PHACTR1: variants seen among roughly 807,000 people sequenced by gnomAD.
PHACTR1 encodes RPEL repeat containing 1.
In PHACTR1, 16 loss-of-function variants were observed where a neutral mutation model predicts 69.2. The observed-to-expected ratio is 0.23, with a 90% CI of 0.16 to 0.35. The LOEUF is 0.35. Among genes scored for constraint, PHACTR1 ranks in the 10% least tolerant of loss-of-function variants. The probability of loss-of-function intolerance (pLI) is 1.00; values close to 1 mark genes in which losing one functional copy is unlikely to be tolerated. For synonymous variants in PHACTR1, 312 were observed against 284.5 expected, an observed-to-expected ratio of 1.10 and a Z score of -0.97; for missense variants, 510 against 734.7, an observed-to-expected ratio of 0.69 and a Z score of 3.54.
chr6:12,799,030 A>C (rs1210823260), intron 4 of PHACTR1, among the ~76,000 whole-genome samples: 2 of 151,844 alleles, frequency 1.3e-5, no homozygotes, highest in African/African-American at 4.8e-5. Flanking sequence ...TAGCAAATGA[A>C]AGCATTTCAC....
At chr6:13,126,568 T>C (rs1352678410) in intron 5 of PHACTR1, among the ~76,000 whole-genome samples, 1 of 152,222 alleles carries the variant, frequency 6.6e-6, no homozygotes, top group Non-Finnish European at 1.5e-5. Context: ...CCAAGCTAAA[T>C]ATCTACCACA....
chr6:13,133,542 T>C (rs1373527185), intron 5 of PHACTR1, among the ~76,000 whole-genome samples: 1 of 152,084 alleles, frequency 6.6e-6, no homozygotes, highest in Non-Finnish European at 1.5e-5. Flanking sequence ...AGTGATCTGC[T>C]AGCCTCGGCC....
chr6:12,727,352 G>C (rs1291329820), intron 3 of PHACTR1, among the ~76,000 whole-genome samples: 3 of 152,154 alleles, frequency 2.0e-5, no homozygotes, highest in Admixed American at 2.0e-4. Context: ...CTGGGAACAG[G>C]ACAATTCTCC....
intron 8 of PHACTR1, among the ~76,000 whole-genome samples, chr6:13,220,385 C>T (rs1386457815): frequency 6.6e-6 from 1 of 152,112 alleles, no homozygotes; most frequent in East Asian, 1.9e-4. Context: ...TAATTTAAGG[C>T]CTTTGGTCTT....
chr6:12,730,176 A>G (rs1763312033), intron 3 of PHACTR1, among the ~76,000 whole-genome samples: 1 of 152,204 alleles, frequency 6.6e-6, no homozygotes, highest in African/African-American at 2.4e-5. Context: ...TAATTTCACT[A>G]ACATGTTTTA....
At chr6:13,002,091 T>G (rs1273359216) in intron 4 of PHACTR1, among the ~76,000 whole-genome samples, 1 of 152,232 alleles carries the variant, frequency 6.6e-6, no homozygotes, top group Non-Finnish European at 1.5e-5. Context: ...TTACAAGGAA[T>G]GAGCCCTTCC....
intron 11 of PHACTR1, chr6:13,273,850 C>T (rs1209469705): frequency 1.3e-5 from 2 of 152,214 alleles, no homozygotes; most frequent in African/African-American, 2.4e-5. Context: ...ATATACTATG[C>T]AGAGTTTTCT....
chr6:13,097,807 T>A lies in PHACTR1; in HGVS notation c.415+44278T>A, dbSNP rs558764898. Among the ~76,000 whole-genome samples, 10 of 152,316 alleles carry A rather than the reference T, an allele frequency of 6.6e-5. 1 individual carries two copies. In the South Asian group the frequency reaches 2.1e-3, roughly 32 times the overall value. On this transcript the variant is annotated intron_variant, in intron 5 of 14. Transcript: ENST00000332995. ...GGTCTCCTCCTTTCCATTTTCAATT[T>A]CCTACTCCCATCCCCACTATATGAT...
chr6:12,928,955 C>G (rs953221779), intron 4 of PHACTR1, among the ~76,000 whole-genome samples: 35 of 152,166 alleles, frequency 2.3e-4, no homozygotes, highest in African/African-American at 8.2e-4. Context: ...GTCTGAGTGT[C>G]GGAGCAAGGC....
At chr6:12,747,756 G>T (rs1765991294) in intron 3 of PHACTR1, among the ~76,000 whole-genome samples, 1 of 152,154 alleles carries the variant, frequency 6.6e-6, no homozygotes, top group East Asian at 1.9e-4. Flanking sequence ...TTATAGTTAA[G>T]AAATTTGTGG....
chr6:13,248,936 T>G (rs1773963417), intron 10 of PHACTR1, among the ~76,000 whole-genome samples: 1 of 152,226 alleles, frequency 6.6e-6, no homozygotes, highest in South Asian at 2.1e-4. Context: ...TAAGCTATAA[T>G]GTCTTCTAGA....
intron 4 of PHACTR1, among the ~76,000 whole-genome samples, chr6:12,794,106 C>T (rs1772679585): frequency 6.6e-6 from 1 of 152,168 alleles, no homozygotes; most frequent in African/African-American, 2.4e-5. Flanking sequence ...GAGCCTCAAC[C>T]CACTTGGCCT....
chr6:12,978,482 G>T (rs1436678008), intron 4 of PHACTR1, among the ~76,000 whole-genome samples: 4 of 152,102 alleles, frequency 2.6e-5, no homozygotes, highest in Non-Finnish European at 5.9e-5. Flanking sequence ...TGCCTCCTCA[G>T]CACTCTGGCT....
intron 4 of PHACTR1, among the ~76,000 whole-genome samples, chr6:12,905,343 TA>T (rs1286488948): frequency 6.6e-6 from 1 of 152,220 alleles, no homozygotes; most frequent in Non-Finnish European, 1.5e-5. Context: ...CAAACTAGTT[TA>T]AAGTGATGGG....
chr6:12,969,197 G>C lies in PHACTR1; in HGVS notation c.251-84168G>C, dbSNP rs79639984. Among the ~76,000 whole-genome samples the C allele has an allele frequency of 3.1e-3, 469 of 152,312 alleles. 2 individuals carry two copies. Among genetic ancestry groups the C allele is most frequent in the African/African-American group, 0.01 (423 of 41,554 alleles). ...CCTAATGTATAGCTAGCACTGAGAA[G>C]CTCTGACCTGGAGAAATTGAGCTAA... On this transcript the variant is annotated intron_variant, in intron 4 of 14. Transcript: ENST00000332995.
At chr6:12,915,682 G>A (rs1329398312) in intron 4 of PHACTR1, among the ~76,000 whole-genome samples, 1 of 152,110 alleles carries the variant, frequency 6.6e-6, no homozygotes, top group Non-Finnish European at 1.5e-5. Context: ...AATCTGACCA[G>A]CACAGTTGCC....
intron 4 of PHACTR1, among the ~76,000 whole-genome samples, chr6:13,021,330 T>C (rs1800945118): frequency 6.6e-6 from 1 of 152,276 alleles, no homozygotes; most frequent in African/African-American, 2.4e-5. Flanking sequence ...TCAAAATGTA[T>C]TCATGCTGTA....
intron 4 of PHACTR1, among the ~76,000 whole-genome samples, chr6:13,041,262 A>G (rs527867654): frequency 3.8e-4 from 57 of 151,890 alleles, no homozygotes; most frequent in South Asian, 2.7e-3. Context: ...TGACAAAGAT[A>G]TGAGCAGGGT....
intron 4 of PHACTR1, among the ~76,000 whole-genome samples, chr6:12,871,170 A>G (rs1781986481): frequency 6.6e-6 from 1 of 152,222 alleles, no homozygotes; most frequent in Admixed American, 6.5e-5. Flanking sequence ...AATGGACTTC[A>G]TAGATTCAAG....
Sources: allele counts gnomAD v4.1 joint callset (sites outside exome capture counted in the v4.1 genomes callset), GRCh38; gene constraint gnomAD v4.1.1; transcripts MANE v1.5; gene names NCBI Gene and HGNC (gene_info 2026-07-23, HGNC 2026-07-21).